The following AP5Z1 variants were observed in gnomAD, a reference collection of about 807,000 sequenced individuals.
AP5Z1 encodes AP-5 complex subunit zeta-1.
Under a neutral mutation model 83.0 loss-of-function variants are expected in AP5Z1, and 106 were observed. The observed-to-expected ratio is 1.28, with a 90% CI of 1.09 to 1.50. The LOEUF (loss-of-function observed/expected upper bound fraction) is 1.50. Among genes scored for constraint, AP5Z1 ranks in the 40% most tolerant of loss-of-function variants. AP5Z1 has a pLI of 0.00. For synonymous variants in AP5Z1, 751 were observed against 514.1 expected, an observed-to-expected ratio of 1.46 and a Z score of -6.23; for missense variants, 1,565 against 1,094.2, an observed-to-expected ratio of 1.43 and a Z score of -6.07.
rs545075923 is a variant in AP5Z1, at chr7:4,786,207, G to A, written c.1133-43G>A. The A allele has an allele frequency of 2.7e-5, 41 of 1,540,780 alleles. No individual in the cohort carries two copies. In the South Asian group the frequency reaches 2.9e-4, roughly 11 times the overall value. On this transcript the variant is annotated intron_variant, in intron 9 of 16. Coordinates refer to ENST00000649063, the MANE Select transcript of AP5Z1 (RefSeq NM_014855.3). ...TAACCAGTCACAGAAGCACGGCCAG[G>A]GCGAGGTCAAGACGTGTGCCCTGGC...
At position 4,791,279 on chromosome 7, in the gene AP5Z1, A is replaced by C. The variant is rs1478809966; in HGVS notation, c.2318A>C (p.Glu773Ala). The C allele has an allele frequency of 6.2e-7, 1 of 1,612,620 alleles. No individual in the cohort carries two copies. Among genetic ancestry groups the C allele is most frequent in the Non-Finnish European group, 8.5e-7 (1 of 1,179,838 alleles). ...CAGTTTGTGCTCACACCCAGCACGG[A>C]GGTGTGCAGCCCCCGCTATCACCGC... ...VAQFVLTPST[E>A]VCSPRYHRDA... The change falls in exon 17 of 17, where the codon GAG becomes GCG. Residue 773 changes from glutamate (E) to alanine (A), a missense_variant. Glu to Ala is a moderately radical substitution (Grantham distance 107). Coordinates refer to ENST00000649063, the MANE Select transcript of AP5Z1 (RefSeq NM_014855.3).
At position 4,784,191 on chromosome 7, in the gene AP5Z1, T is replaced by A; in HGVS notation, c.622-12T>A. ...GGCCCCCTCCGCCCACTCCTGCCTG[T>A]CCTTCCCACAGCCGGGCCCCGTCAC... On this transcript the variant is annotated splice_polypyrimidine_tract_variant and intron_variant, in intron 5 of 16. Transcript: ENST00000649063. The A allele has an allele frequency of 6.3e-7, 1 of 1,582,548 alleles. No homozygotes were observed. Among genetic ancestry groups the A allele is most frequent in the Non-Finnish European group, 8.6e-7 (1 of 1,165,698 alleles).
chr7:4,782,638 C>A (rs1232024169), intron 3 of AP5Z1, among the ~76,000 whole-genome samples: 1 of 152,118 alleles, frequency 6.6e-6, no homozygotes, highest in Non-Finnish European at 1.5e-5. Flanking sequence ...TGGTTGGTGC[C>A]CAGCCCCCTC....
intron 1 of AP5Z1, among the ~76,000 whole-genome samples, chr7:4,780,285 A>C (rs144545834): frequency 6.6e-6 from 1 of 152,322 alleles, no homozygotes; most frequent in East Asian, 1.9e-4. Flanking sequence ...TAATGGGCTT[A>C]CCTTACAATA....
At chr7:4,778,469 C>T (rs1218513952) in intron 1 of AP5Z1, among the ~76,000 whole-genome samples, 2 of 152,022 alleles carry the variant, frequency 1.3e-5, no homozygotes, top group South Asian at 2.1e-4. Context: ...GGCACAGGGT[C>T]TGTGCGAAGG....
At chr7:4,788,358 TGGGGCTCACTG>T in intron 12 of AP5Z1, 64 bp downstream of exon 12, 1 of 1,492,846 alleles carries the variant, frequency 6.7e-7, no homozygotes, top group East Asian at 2.5e-5. Context: ...GCCACTGGGG[TGGGGCTCACTG>T]CTCAGCCCTA....
intron 11 of AP5Z1, 29 bp from the exon 12 acceptor site, chr7:4,788,125 A>AAGGC: frequency 2.7e-6 from 4 of 1,501,970 alleles, no homozygotes; most frequent in Non-Finnish European, 1.8e-6. Context: ...GCCGCATCCC[A>AAGGC]GCCTGGCCTT....
intron 6 of AP5Z1, among the ~76,000 whole-genome samples, chr7:4,784,700 C>G (rs1040704096): frequency 1.3e-5 from 2 of 151,810 alleles, no homozygotes; most frequent in African/African-American, 4.9e-5. Context: ...GCTCTGTGGA[C>G]TTGTTGGGGA....
At position 4,784,113 on chromosome 7, in the gene AP5Z1, C is replaced by T. The variant is rs556774709; in HGVS notation, c.622-90C>T. Reference sequence around the variant, plus strand: ...GCCCGGGCTCATGTTCAGGCAGCTTCTCCTCCACCTCCTGAGGAGCTTGTG... The same window carrying T: ...GCCCGGGCTCATGTTCAGGCAGCTTTTCCTCCACCTCCTGAGGAGCTTGTG... On this transcript the variant is annotated intron_variant, in intron 5 of 16. Transcript: ENST00000649063. 5 of 1,432,022 alleles carry T rather than the reference C, an allele frequency of 3.5e-6. No homozygotes were observed. The African/African-American group carries it at 5.7e-5, about 16-fold the overall frequency. 88.7% of individuals were successfully genotyped at this position (1,432,022 alleles called of 1,614,324 possible).
At chr7:4,783,657 C>T in intron 4 of AP5Z1, 32 bp from the exon 5 acceptor site, 1 of 1,539,280 alleles carries the variant, frequency 6.5e-7, no homozygotes, top group South Asian at 1.2e-5. Context: ...AGGATTCAAC[C>T]TCACCTCCCC....
At chr7:4,786,831 C>T (rs542763531) in intron 10 of AP5Z1, among the ~76,000 whole-genome samples, 15 of 151,872 alleles carry the variant, frequency 9.9e-5, no homozygotes, top group South Asian at 2.1e-4. Flanking sequence ...AGTGCAGTGG[C>T]GCAATCTCAG....
In AP5Z1 at chr7:4,791,478, G is replaced by C. The variant is rs1781771443; in HGVS notation, c.*93G>C. ...GCTGATAGGAGCTCAGGAGGGCGCGGGAGTCCTGGGAGAGGAGGCAAGGCC... is the reference window on the plus strand; with the variant it reads ...GCTGATAGGAGCTCAGGAGGGCGCGCGAGTCCTGGGAGAGGAGGCAAGGCC... On this transcript the variant is annotated 3_prime_UTR_variant, in exon 17 of 17. Transcript: ENST00000649063. 3 of 1,465,242 alleles carry C rather than the reference G, an allele frequency of 2.0e-6. No individual in the cohort carries two copies. Among genetic ancestry groups the C allele is most frequent in the Admixed American group, 2.4e-5 (1 of 42,130 alleles). 90.8% of individuals were successfully genotyped at this position (1,465,242 alleles called of 1,614,324 possible). A position where few individuals can be genotyped will look rare whatever the true frequency, so the allele number is the denominator to read the frequency against.
chr7:4,783,594 G>T, intron 4 of AP5Z1, 95 bp from the exon 5 acceptor site: 1 of 1,522,924 alleles, frequency 6.6e-7, no homozygotes, highest in East Asian at 2.4e-5. Flanking sequence ...GACGCTGCAG[G>T]ATTCTGTTTT....
Position 4,791,613 on chromosome 7 carries a change from G to A in AP5Z1, c.*228G>A, listed in dbSNP as rs907173985. The A allele has an allele frequency of 4.7e-6, 3 of 639,968 alleles. No homozygotes were observed. Among genetic ancestry groups the A allele is most frequent in the Non-Finnish European group, 7.7e-6 (3 of 388,922 alleles). The allele number at this position is 639,968 out of a possible 1,614,324, so 39.6% of individuals were successfully genotyped here. ...CAGGCAACACTGAGCTGAGCTGAGG[G>A]GTGCCATGGAGCGGCTCTGATTGGA... On this transcript the variant is annotated 3_prime_UTR_variant, in exon 17 of 17. Transcript: ENST00000649063.
At chr7:4,780,819 A>G (rs774418247) in intron 1 of AP5Z1, among the ~76,000 whole-genome samples, 1 of 152,200 alleles carries the variant, frequency 6.6e-6, no homozygotes, top group Non-Finnish European at 1.5e-5. Flanking sequence ...CATTGAAGAC[A>G]TCTTTTGAAA....
chr7:4,786,205 A>C, intron 9 of AP5Z1, 45 bp from the exon 10 acceptor site: 1 of 1,532,172 alleles, frequency 6.5e-7, no homozygotes. Flanking sequence ...AAGCACGGCC[A>C]GGGCGAGGTC....
At chr7:4,787,997 C>A (rs369874349) in intron 11 of AP5Z1, among the ~76,000 whole-genome samples, 157 bp from the exon 12 acceptor site, 1 of 152,152 alleles carries the variant, frequency 6.6e-6, no homozygotes, top group African/African-American at 2.4e-5. Context: ...GTGCCTCACC[C>A]GTCTTCACGC....
At chr7:4,784,074 CAG>C in intron 5 of AP5Z1, 127 bp from the exon 6 acceptor site, 1 of 1,171,212 alleles carries the variant, frequency 8.5e-7, no homozygotes, top group Non-Finnish European at 1.2e-6. Context: ...TTGCATCACA[CAG>C]GGCGGGCCGC....
intron 1 of AP5Z1, among the ~76,000 whole-genome samples, chr7:4,776,738 AG>A (rs1781239693): frequency 6.6e-6 from 1 of 152,040 alleles, no homozygotes; most frequent in Admixed American, 6.6e-5. Flanking sequence ...CCGTCTCAAA[AG>A]AAAAAAGAAA....
Sources: gnomAD v4.1 joint callset for allele counts (sites outside exome capture counted in the v4.1 genomes callset) on GRCh38, gnomAD v4.1.1 for gene constraint, MANE v1.5 for transcripts, NCBI Gene and HGNC (gene_info 2026-07-23, HGNC 2026-07-21) for gene names.